Variants in PRIMPOL observed in about 807,000 individuals in gnomAD.
The protein encoded by PRIMPOL is primase and DNA directed polymerase, also known as DNA-directed primase/polymerase protein.
A neutral mutation model predicts 63.6 loss-of-function variants in PRIMPOL; 54 were observed. The ratio of observed to expected loss-of-function variants is 0.85; its 90% CI spans 0.68 to 1.07. The LOEUF (loss-of-function observed/expected upper bound fraction) is 1.07. Ranked by LOEUF, PRIMPOL falls within the 50% of genes least tolerant of loss-of-function variation. PRIMPOL has a pLI of 0.00. For missense variants in PRIMPOL, 610 were observed against 648.3 expected (o/e 0.94, Z 0.64); for synonymous variants, 197 against 220.2 (o/e 0.89, Z 0.93).
At chr4:184,670,262 A>G (rs1220654454) in intron 6 of PRIMPOL, among the ~76,000 whole-genome samples, 1 of 152,168 alleles carries the variant, frequency 6.6e-6, no homozygotes, top group Non-Finnish European at 1.5e-5. Context: ...TGCCATTGCC[A>G]CCATTTCTGC....
chr4:184,649,962 G>C (rs2150000572), intron 1 of PRIMPOL, 54 bp downstream of exon 1: 1 of 152,340 alleles, frequency 6.6e-6, no homozygotes, highest in African/African-American at 2.4e-5. Flanking sequence ...GTTACCCTCA[G>C]GTCTCTCTCC....
chr4:184,660,241 A>C (rs1180193404), intron 4 of PRIMPOL, among the ~76,000 whole-genome samples: 2 of 151,208 alleles, frequency 1.3e-5, no homozygotes, highest in East Asian at 3.9e-4. Context: ...GCTGGAGTAC[A>C]GTGGCACAAT....
intron 5 of PRIMPOL, among the ~76,000 whole-genome samples, chr4:184,663,539 G>A (rs1465751219): frequency 1.3e-5 from 2 of 152,170 alleles, no homozygotes; most frequent in East Asian, 1.9e-4. Flanking sequence ...GAACACTGGA[G>A]CAAATTTCAT....
chr4:184,680,961 G>A (rs1011785579), intron 8 of PRIMPOL, among the ~76,000 whole-genome samples: 4 of 152,158 alleles, frequency 2.6e-5, no homozygotes, highest in Non-Finnish European at 5.9e-5. Context: ...AGTGTGAAAA[G>A]CAACATTGTT....
intron 2 of PRIMPOL, among the ~76,000 whole-genome samples, chr4:184,655,589 G>A (rs374645081): frequency 7.7e-4 from 117 of 152,242 alleles, no homozygotes; most frequent in African/African-American, 2.8e-3. Flanking sequence ...CAAAGTGCTG[G>A]GAATACAGGC....
chr4:184,665,828 A>G, intron 5 of PRIMPOL, 89 bp from the exon 6 acceptor site: 1 of 822,910 alleles, frequency 1.2e-6, no homozygotes, highest in Non-Finnish European at 1.8e-6. Context: ...TTTTTAACTC[A>G]TAGATGATAT....
intron 9 of PRIMPOL, among the ~76,000 whole-genome samples, chr4:184,683,353 C>T (rs950190994): frequency 1.3e-5 from 2 of 149,288 alleles, no homozygotes; most frequent in African/African-American, 2.5e-5. Flanking sequence ...ACCTGGGAGG[C>T]GGAGGTTGCA....
intron 8 of PRIMPOL, among the ~76,000 whole-genome samples, chr4:184,680,864 C>T (rs768651440): frequency 3.3e-5 from 5 of 152,134 alleles, no homozygotes; most frequent in African/African-American, 2.4e-5. Flanking sequence ...TGCAAAGTGC[C>T]GTAGCAGGAG....
chr4:184,654,983 A>T (rs1745898909), intron 2 of PRIMPOL, among the ~76,000 whole-genome samples: 2 of 151,944 alleles, frequency 1.3e-5, no homozygotes, highest in African/African-American at 2.4e-5. Context: ...TTTTTTTCTA[A>T]CAAGGTCATG....
At chr4:184,682,687 G>T (rs189124572) in intron 9 of PRIMPOL, among the ~76,000 whole-genome samples, 1 of 152,228 alleles carries the variant, frequency 6.6e-6, no homozygotes. Flanking sequence ...CTATCAAAAT[G>T]TAAGGGTACA....
chr4:184,685,323 C>T (rs962671284), intron 9 of PRIMPOL, 86 bp from the exon 10 acceptor site: 10 of 977,604 alleles, frequency 1.0e-5, no homozygotes, highest in South Asian at 6.8e-5. Context: ...TTGCAAAACC[C>T]GTAATTGTGC....
chr4:184,664,379 G>T (rs149085937), intron 5 of PRIMPOL, among the ~76,000 whole-genome samples: 1 of 152,214 alleles, frequency 6.6e-6, no homozygotes, highest in Non-Finnish European at 1.5e-5. Flanking sequence ...AGGATAATAC[G>T]TTAGGATAGA....
At chr4:184,665,360 G>T (rs1749556638) in intron 5 of PRIMPOL, among the ~76,000 whole-genome samples, 1 of 152,118 alleles carries the variant, frequency 6.6e-6, no homozygotes, top group African/African-American at 2.4e-5. Context: ...CAGCCCCCGT[G>T]CTTGCTGCCT....
chr4:184,691,340 C>T, intron 11 of PRIMPOL, 159 bp from the exon 12 acceptor site: 1 of 529,620 alleles, frequency 1.9e-6, no homozygotes, highest in Non-Finnish European at 3.3e-6. Flanking sequence ...TTTTTGGCAA[C>T]CACCGTTTTG....
chr4:184,664,710 A>G (rs1456112471), intron 5 of PRIMPOL, among the ~76,000 whole-genome samples: 10 of 152,218 alleles, frequency 6.6e-5, no homozygotes, highest in Non-Finnish European at 1.5e-4. Context: ...TGGGAAATGT[A>G]GTCTTTGTTC....
intron 11 of PRIMPOL, 163 bp from the exon 12 acceptor site, chr4:184,691,336 G>T: frequency 1.9e-6 from 1 of 519,958 alleles, no homozygotes; most frequent in Non-Finnish European, 3.4e-6. Context: ...GTGATTTTTG[G>T]CAACCACCGT....
rs1387361711 is a variant in PRIMPOL, at chr4:184,682,320, C to T, written c.1080C>T (p.Asn360=). 4 of 1,583,264 alleles carry T rather than the reference C, an allele frequency of 2.5e-6. No homozygotes were observed. In the Admixed American group the frequency reaches 6.7e-5, roughly 27 times the overall value. ...AACAAAAAGGAGTTGGATATTTTAACAGTATCGGCACTTCAGGTAAATTTT... is the reference window on the plus strand; with the variant it reads ...AACAAAAAGGAGTTGGATATTTTAATAGTATCGGCACTTCAGGTAAATTTT... ...QNKQKGVGYF[N]SIGTSVETIE... The change falls in exon 9 of 14, where the codon AAC becomes AAT. Residue 360 remains asparagine (N), a synonymous_variant. Transcript: ENST00000314970.
At chr4:184,678,139 T>G (rs1754592559) in intron 7 of PRIMPOL, 93 bp from the exon 8 acceptor site, 1 of 688,462 alleles carries the variant, frequency 1.5e-6, no homozygotes, top group African/African-American at 1.9e-5. Context: ...TAATTATTTT[T>G]TATTAATGCT....
At position 184,657,186 on chromosome 4, in the gene PRIMPOL, G is replaced by A; in HGVS notation, c.46G>A (p.Ala16Thr). Residue 16 changes from alanine (A) to threonine (T), a missense_variant, in exon 3 of 14, where the codon GCA becomes ACA. This residue lies in a region of PRIMPOL where 159 missense variants were observed against 168.9 expected (regional missense o/e 0.94). Transcript: ENST00000314970. ...AAAACTGAAGCAAATTGAAGAACGAGCATCTCATTATGAGAGGAAACCGTT... is the reference window on the plus strand; with the variant it reads ...AAAACTGAAGCAAATTGAAGAACGAACATCTCATTATGAGAGGAAACCGTT... ...EAKLKQIEER[A>T]SHYERKPLSS... 2 of 1,611,122 alleles carry A rather than the reference G, an allele frequency of 1.2e-6. No individual in the cohort carries two copies. Among genetic ancestry groups the A allele is most frequent in the Non-Finnish European group, 1.7e-6 (2 of 1,178,928 alleles).
Sources: allele counts gnomAD v4.1 joint callset (sites outside exome capture counted in the v4.1 genomes callset), GRCh38; gene constraint gnomAD v4.1.1; regional missense constraint gnomAD v4.1.1; transcripts MANE v1.5; gene names NCBI Gene and HGNC (gene_info 2026-07-23, HGNC 2026-07-21).